Variants in PDPR observed in about 807,000 individuals in gnomAD.
PDPR encodes the protein pyruvate dehydrogenase phosphatase regulatory subunit, mitochondrial.
Under a neutral mutation model 102.2 loss-of-function variants are expected in PDPR, and 50 were observed. The observed-to-expected ratio is 0.49, with a 90% confidence interval of 0.39 to 0.62. The LOEUF (loss-of-function observed/expected upper bound fraction) is 0.62. PDPR is among the 20% of genes least tolerant of loss of function. The probability of loss-of-function intolerance (pLI) is 0.00; values close to 1 mark genes in which losing one functional copy is unlikely to be tolerated. For synonymous variants in PDPR, 259 were observed against 406.0 expected, an observed-to-expected ratio of 0.64 and a Z score of 4.35; for missense variants, 625 against 1,098.2, an observed-to-expected ratio of 0.57 and a Z score of 6.09.
intron 9 of PDPR, among the ~76,000 whole-genome samples, chr16:70,133,212 T>C (rs1164779561): frequency 6.7e-6 from 1 of 148,318 alleles, no homozygotes; most frequent in African/African-American, 2.5e-5. Flanking sequence ...CCTCCCCGGT[T>C]CAAGTGATTC....
At chr16:70,138,522 CT>C (rs200339865) in intron 10 of PDPR, among the ~76,000 whole-genome samples, 6,883 of 149,740 alleles carry the variant, frequency 0.046, 165 homozygotes, top group African/African-American at 0.16. Context: ...CACTTTGAAA[CT>C]TTTTTTTTTC....
At chr16:70,127,074 C>T (rs1259020029) in intron 3 of PDPR, among the ~76,000 whole-genome samples, 186 bp from the exon 4 acceptor site, 4 of 152,256 alleles carry the variant, frequency 2.6e-5, no homozygotes, top group Admixed American at 2.6e-4. Flanking sequence ...TCGTAAACCC[C>T]TGTCCTCAAG....
At position 70,142,351 on chromosome 16, in the gene PDPR, G is replaced by A. The variant is rs200821119; in HGVS notation, c.1433G>A (p.Gly478Glu). The A allele has an allele frequency of 1.2e-4, 192 of 1,613,978 alleles. No homozygotes were observed. The African/African-American group carries it at 2.3e-3, about 19-fold the overall frequency. ...AQGARWMEKH[G>E]FERPKYFVPP... The stretch of plus-strand genomic sequence containing the variant: ...GGAGCCAGGTGGATGGAGAAACATG[G>A]ATTTGAGAGGCCAAAGTACTTTGTT... Residue 478 changes from glycine (G) to glutamate (E), a missense_variant, in exon 12 of 19, where the codon GGA becomes GAA. Around this residue, in one of 11 missense-constraint regions of PDPR, gnomAD observed 34 missense variants for 76.6 expected, o/e 0.44. Coordinates refer to ENST00000288050, the MANE Select transcript of PDPR (RefSeq NM_017990.5).
intron 17 of PDPR, among the ~76,000 whole-genome samples, chr16:70,150,407 T>C (rs1966636458): frequency 6.6e-6 from 1 of 152,190 alleles, no homozygotes; most frequent in African/African-American, 2.4e-5. Context: ...CCCGGGCCCA[T>C]AGTCTTTCTT....
intron 2 of PDPR, among the ~76,000 whole-genome samples, chr16:70,118,613 G>T (rs1417783077): frequency 6.6e-6 from 1 of 152,206 alleles, no homozygotes; most frequent in Non-Finnish European, 1.5e-5. Context: ...TCAGCAAAGG[G>T]GTGGGTGTTT....
chr16:70,153,603 C>A, intron 18 of PDPR, 30 bp downstream of exon 18: 1 of 1,560,548 alleles, frequency 6.4e-7, no homozygotes, highest in Admixed American at 2.0e-5. Flanking sequence ...TCCACTTTCA[C>A]TCAGCATCCC....
chr16:70,142,164 A>C, intron 11 of PDPR, 70 bp from the exon 12 acceptor site: 1 of 1,532,588 alleles, frequency 6.5e-7, no homozygotes, highest in Non-Finnish European at 8.9e-7. Flanking sequence ...TCCAGAGTCT[A>C]GTGGACATGG....
chr16:70,119,689 C>G (rs1293955394), intron 2 of PDPR, among the ~76,000 whole-genome samples: 1 of 149,864 alleles, frequency 6.7e-6, no homozygotes, highest in Non-Finnish European at 1.5e-5. Context: ...TGTTTCTGAC[C>G]ATCCTGTTTT....
intron 9 of PDPR, among the ~76,000 whole-genome samples, chr16:70,135,093 G>T (rs1180573966): frequency 2.8e-5 from 4 of 142,650 alleles, no homozygotes; most frequent in African/African-American, 7.4e-5. Flanking sequence ...AGAGTAGTAT[G>T]ATGAGCCCCC....
chr16:70,137,923 C>T (rs547161154), intron 10 of PDPR, among the ~76,000 whole-genome samples: 1 of 152,288 alleles, frequency 6.6e-6, no homozygotes, highest in Admixed American at 6.5e-5. Context: ...GGCTGGAGTG[C>T]AGTGGCACCA....
chr16:70,143,480 C>G (rs1326781128), intron 13 of PDPR, 30 bp from the exon 14 acceptor site: 1 of 1,609,294 alleles, frequency 6.2e-7, no homozygotes, highest in Non-Finnish European at 8.5e-7. Flanking sequence ...CTCACGCTCA[C>G]TCTCTCTGTT....
At chr16:70,117,191 G>T (rs1041562016) in intron 2 of PDPR, among the ~76,000 whole-genome samples, 1 of 139,572 alleles carries the variant, frequency 7.2e-6, no homozygotes, top group South Asian at 2.2e-4. Context: ...AGTATCTGGT[G>T]CATTGTAACT....
In PDPR at chr16:70,161,768, C is replaced by T. The variant is rs1159256040; in HGVS notation, c.*4889C>T. On this transcript the variant is annotated 3_prime_UTR_variant, in exon 19 of 19. Coordinates refer to ENST00000288050, the MANE Select transcript of PDPR (RefSeq NM_017990.5). ...ATGAAGAGTTGTTTATGGTTCTTGA[C>T]TTCTCTGAGCAGAGTGTCTGCATCT... 6.6e-6 allele frequency: 1 copy of T among 152,414 alleles called. No homozygotes were observed. The highest frequency in any genetic ancestry group is 1.5e-5 in the Non-Finnish European group (1 of 68,102). 9.4% of individuals were successfully genotyped at this position (152,414 alleles called of 1,614,324 possible). A position where few individuals can be genotyped will look rare whatever the true frequency, so the allele number is the denominator to read the frequency against.
At chr16:70,150,467 T>G (rs1315427205) in intron 17 of PDPR, among the ~76,000 whole-genome samples, 3 of 152,238 alleles carry the variant, frequency 2.0e-5, no homozygotes, top group Non-Finnish European at 2.9e-5. Flanking sequence ...AATCAATGAT[T>G]GTAGGCATGC....
chr16:70,148,228 G>A (rs1966396778), intron 16 of PDPR, among the ~76,000 whole-genome samples: 1 of 152,222 alleles, frequency 6.6e-6, no homozygotes, highest in Non-Finnish European at 1.5e-5. Flanking sequence ...CCATCAGCTT[G>A]GCTAAAACTC....
intron 2 of PDPR, among the ~76,000 whole-genome samples, chr16:70,116,815 A>T (rs2549079): frequency 0.47 from 59,901 of 128,550 alleles, 11,115 homozygotes; most frequent in Non-Finnish European, 0.49. Context: ...GTGCTGAGAT[A>T]ACAGGCGTGA....
intron 9 of PDPR, among the ~76,000 whole-genome samples, chr16:70,133,047 A>G (rs1266915933): frequency 2.0e-5 from 3 of 151,298 alleles, no homozygotes; most frequent in African/African-American, 7.3e-5. Context: ...TCTTGGGCTC[A>G]GTCAATCCTG....
chr16:70,134,911 G>A (rs534506709), intron 9 of PDPR, among the ~76,000 whole-genome samples: 36 of 152,228 alleles, frequency 2.4e-4, no homozygotes, highest in Non-Finnish European at 4.4e-4. Context: ...AAATTCTTAC[G>A]GAAAATTTCA....
chr16:70,124,641 A>G (rs958043679), intron 3 of PDPR, among the ~76,000 whole-genome samples: 2 of 152,266 alleles, frequency 1.3e-5, no homozygotes, highest in Non-Finnish European at 2.9e-5. Context: ...GGCGAGAGCC[A>G]CTGTCAAAGC....
Sources: gnomAD v4.1 joint callset for allele counts (sites outside exome capture counted in the v4.1 genomes callset) on GRCh38, gnomAD v4.1.1 for gene constraint, gnomAD v4.1.1 regional missense constraint, MANE v1.5 for transcripts, NCBI Gene and HGNC (gene_info 2026-07-23, HGNC 2026-07-21) for gene names.